Variants in CSMD1 observed in about 807,000 individuals in gnomAD.
CSMD1 encodes the protein CUB and sushi domain-containing protein 1.
Under a neutral mutation model 417.5 loss-of-function variants are expected in CSMD1, and 213 were observed. The observed-to-expected ratio is 0.51, with a 90% CI of 0.46 to 0.57. The LOEUF (loss-of-function observed/expected upper bound fraction) is 0.57, where lower values mean the gene tolerates loss of function less well. CSMD1 is among the 20% of genes least tolerant of loss of function. The pLI, the probability that CSMD1 is intolerant of heterozygous loss-of-function variation, is 0.00. For synonymous variants in CSMD1, 2,862 were observed against 1,736.8 expected (o/e 1.65, Z -16.11); for missense variants, 6,923 against 4,529.7 (o/e 1.53, Z -15.17).
intron 25 of CSMD1, among the ~76,000 whole-genome samples, chr8:3,290,279 C>T (rs1185260070): frequency 6.8e-6 from 1 of 147,006 alleles, no homozygotes; most frequent in East Asian, 2.0e-4. Flanking sequence ...CAGCTTTGTT[C>T]TTTTGGCTTA....
intron 5 of CSMD1, among the ~76,000 whole-genome samples, chr8:3,800,266 G>C (rs999536709): frequency 1.3e-5 from 2 of 151,942 alleles, no homozygotes; most frequent in African/African-American, 4.8e-5. Flanking sequence ...TTATATATTG[G>C]GAATACAAGA....
chr8:3,024,498 G>C (rs919857004), intron 51 of CSMD1, among the ~76,000 whole-genome samples: 7 of 152,142 alleles, frequency 4.6e-5, no homozygotes, highest in African/African-American at 1.7e-4. Context: ...GTAGAGACAG[G>C]GTTTCACCAT....
intron 2 of CSMD1, among the ~76,000 whole-genome samples, chr8:4,438,424 A>T (rs1372467327): frequency 1.3e-5 from 2 of 152,116 alleles, no homozygotes; most frequent in Non-Finnish European, 2.9e-5. Flanking sequence ...CTTAAACTCT[A>T]CCCATCCACA....
At chr8:4,150,583 C>T (rs143832862) in intron 3 of CSMD1, among the ~76,000 whole-genome samples, 269 of 152,286 alleles carry the variant, frequency 1.8e-3, no homozygotes, top group African/African-American at 6.1e-3. Context: ...AACTCAGGTA[C>T]AGGTAAAACA....
In CSMD1 at chr8:3,811,414, T is replaced by G. The variant is rs2720888; in HGVS notation, c.819-57372A>C. On this transcript the variant is annotated intron_variant, in intron 5 of 69. Coordinates refer to ENST00000635120, the MANE Select transcript of CSMD1 (RefSeq NM_033225.6). ...ATCTATAGACCATGTAGTAAGGCAT[T>G]TGCTTCATGTTCGACTTACTGGGAG... Among the ~76,000 whole-genome samples, 63 of 152,228 alleles carry G rather than the reference T, an allele frequency of 4.1e-4. 2 individuals carry two copies. The highest frequency in any genetic ancestry group is 3.1e-3 in the Admixed American group (48 of 15,286).
chr8:3,484,436 T>C lies in CSMD1; in HGVS notation c.1448+9187A>G, dbSNP rs1817911517. ...TCTCATGCCATATACAAAAACTAAC[T>C]CAAAAGGGATAAGAGACTTAAATGT... On this transcript the variant is annotated intron_variant, in intron 11 of 69. Transcript: ENST00000635120. Among the ~76,000 whole-genome samples, 4 of 152,196 alleles carry C rather than the reference T, an allele frequency of 2.6e-5. No homozygotes were observed. In the South Asian group the frequency reaches 6.2e-4, roughly 24 times the overall value.
intron 21 of CSMD1, among the ~76,000 whole-genome samples, chr8:3,349,869 A>T (rs551716007): frequency 2.1e-3 from 159 of 75,320 alleles, no homozygotes; most frequent in African/African-American, 5.1e-3. Context: ...TTATATAAAT[A>T]TATTTATATC....
chr8:3,084,282 G>A (rs562233374), intron 49 of CSMD1, among the ~76,000 whole-genome samples: 40 of 152,198 alleles, frequency 2.6e-4, no homozygotes, highest in African/African-American at 9.6e-4. Flanking sequence ...CCAGCACTTT[G>A]GGAGGCTGAG....
At chr8:4,542,453 CA>C (rs1412848531) in intron 2 of CSMD1, among the ~76,000 whole-genome samples, 6 of 152,124 alleles carry the variant, frequency 3.9e-5, no homozygotes, top group African/African-American at 1.4e-4. Context: ...GTTCTGAGAA[CA>C]ATGGGATATT....
intron 5 of CSMD1, among the ~76,000 whole-genome samples, chr8:3,905,012 C>T (rs1808021994): frequency 6.6e-6 from 1 of 152,096 alleles, no homozygotes; most frequent in Admixed American, 6.5e-5. Flanking sequence ...ATAGAATACT[C>T]TTCAGCTAGA....
At chr8:4,328,167 G>T (rs1221916443) in intron 3 of CSMD1, among the ~76,000 whole-genome samples, 2 of 151,750 alleles carry the variant, frequency 1.3e-5, no homozygotes, top group African/African-American at 4.8e-5. Flanking sequence ...CTCATTCGAG[G>T]TCACATTATA....
At chr8:4,740,237 T>C (rs1810518206) in intron 1 of CSMD1, among the ~76,000 whole-genome samples, 1 of 152,204 alleles carries the variant, frequency 6.6e-6, no homozygotes, top group Non-Finnish European at 1.5e-5. Context: ...AGAATCTCTA[T>C]GTGCAATTTC....
rs192508758 is a variant in CSMD1, at chr8:3,461,562, T to C, written c.1561+7150A>G. ...GGCAATGTGGTTGTAGAGAACCTGC[T>C]TCTCAGAGGGGAGCTGTCTCCATCA... On this transcript the variant is annotated intron_variant, in intron 12 of 69. Coordinates refer to ENST00000635120, the MANE Select transcript of CSMD1 (RefSeq NM_033225.6). 2.1e-4 allele frequency among the ~76,000 whole-genome samples: 32 copies of C among 152,276 alleles called. No individual in the cohort carries two copies. In the East Asian group the frequency reaches 6.0e-3, roughly 29 times the overall value.
At chr8:4,556,526 C>G (rs933150474) in intron 2 of CSMD1, among the ~76,000 whole-genome samples, 1 of 152,082 alleles carries the variant, frequency 6.6e-6, no homozygotes, top group South Asian at 2.1e-4. Context: ...TATCTCTCAA[C>G]CTCAGTTCCT....
chr8:3,578,978 T>C (rs771211111), intron 9 of CSMD1, among the ~76,000 whole-genome samples: 2 of 152,210 alleles, frequency 1.3e-5, no homozygotes, highest in Non-Finnish European at 2.9e-5. Context: ...CTCTTTCTAC[T>C]CTTGCAAAGG....
intron 2 of CSMD1, among the ~76,000 whole-genome samples, chr8:4,446,126 T>C (rs1798774333): frequency 6.6e-6 from 1 of 152,210 alleles, no homozygotes; most frequent in South Asian, 2.1e-4. Flanking sequence ...TGTTGTTACA[T>C]TCGTTACATA....
At chr8:3,014,508 A>G (rs914325959) in intron 52 of CSMD1, among the ~76,000 whole-genome samples, 4 of 152,188 alleles carry the variant, frequency 2.6e-5, no homozygotes, top group Admixed American at 6.5e-5. Flanking sequence ...CCAGTAACTC[A>G]GCAGTGTGAT....
intron 3 of CSMD1, among the ~76,000 whole-genome samples, chr8:4,379,279 A>G (rs1802949331): frequency 6.6e-6 from 1 of 152,216 alleles, no homozygotes; most frequent in Non-Finnish European, 1.5e-5. Context: ...GTGACCAGAA[A>G]TCTTCAAAAC....
chr8:3,655,173 G>A (rs137955809), intron 7 of CSMD1, among the ~76,000 whole-genome samples: 156 of 152,276 alleles, frequency 1.0e-3, no homozygotes, highest in African/African-American at 3.5e-3. Context: ...TTGTTCCACA[G>A]GGAACACAGA....
Sources: gnomAD v4.1 joint callset for allele counts (sites outside exome capture counted in the v4.1 genomes callset) on GRCh38, gnomAD v4.1.1 for gene constraint, MANE v1.5 for transcripts, NCBI Gene and HGNC (gene_info 2026-07-23, HGNC 2026-07-21) for gene names.